The following CRYZL1 variants were observed in gnomAD, a reference collection of about 807,000 sequenced individuals.
CRYZL1 encodes the protein ferry endosomal RAB5 effector complex subunit 4.
A neutral mutation model predicts 50.6 loss-of-function variants in CRYZL1; 34 were observed. That is an observed-to-expected ratio of 0.67 (90% CI 0.51 to 0.89). The LOEUF is 0.89. Ranked by LOEUF, CRYZL1 falls within the 40% of genes least tolerant of loss-of-function variation. The probability of loss-of-function intolerance (pLI) is 0.00; values close to 1 mark genes in which losing one functional copy is unlikely to be tolerated. For synonymous variants in CRYZL1, 125 were observed against 134.3 expected, an observed-to-expected ratio of 0.93 and a Z score of 0.48; for missense variants, 354 against 402.3, an observed-to-expected ratio of 0.88 and a Z score of 1.03.
chr21:33,610,236 G>A (rs148812982), intron 6 of CRYZL1, among the ~76,000 whole-genome samples: 141 of 151,872 alleles, frequency 9.3e-4, no homozygotes, highest in African/African-American at 3.2e-3. Context: ...CACAATTTTG[G>A]CTCACCTCTG....
chr21:33,616,624 G>A (rs2086936101), intron 5 of CRYZL1, 82 bp downstream of exon 5: 1 of 1,599,380 alleles, frequency 6.3e-7, no homozygotes, highest in South Asian at 1.1e-5. Flanking sequence ...CAAGGTCACA[G>A]TGAACATTAA....
chr21:33,616,180 T>C (rs2086929847), intron 5 of CRYZL1: 1 of 153,256 alleles, frequency 6.5e-6, no homozygotes, highest in Admixed American at 6.5e-5. Flanking sequence ...TATGCGGTGT[T>C]TGGTTTTTTG....
chr21:33,614,534 C>T (rs2086906577), intron 5 of CRYZL1, among the ~76,000 whole-genome samples: 2 of 152,094 alleles, frequency 1.3e-5, no homozygotes, highest in African/African-American at 2.4e-5. Flanking sequence ...TGCATAGCTA[C>T]CTTCCTATAG....
intron 1 of CRYZL1, among the ~76,000 whole-genome samples, chr21:33,635,648 C>A (rs1256784492): frequency 6.6e-6 from 1 of 151,058 alleles, no homozygotes; most frequent in African/African-American, 2.4e-5. Flanking sequence ...GCCACCGCGC[C>A]CGGCCATAAA....
rs1004886743 is a variant in CRYZL1, at chr21:33,602,570, C to T, written c.466-225G>A. ...GGTGGTGGAAAAGCTGCATGTCACA[C>T]GCTGTCACTCAGTCTGACCACAGCA... On this transcript the variant is annotated intron_variant, in intron 7 of 12. Transcript: ENST00000381554. Among the ~76,000 whole-genome samples, 4 of 152,168 alleles carry T rather than the reference C, an allele frequency of 2.6e-5. No homozygotes were observed. In the East Asian group the frequency reaches 5.8e-4, roughly 22 times the overall value.
At chr21:33,590,054 C>G in intron 12 of CRYZL1, 133 bp from the exon 13 acceptor site, 1 of 573,688 alleles carries the variant, frequency 1.7e-6, no homozygotes, top group South Asian at 2.5e-5. Flanking sequence ...GTCTGGCTCT[C>G]TCATCCAGGC....
chr21:33,641,327 A>G lies in CRYZL1; in HGVS notation c.-7+354T>C. ...GTGGCTGAGAAGAAGTAACAGAGAA[A>G]GAAAAAGACACTCAAATTCTAGGAA... On this transcript the variant is annotated intron_variant, in intron 1 of 12. Transcript: ENST00000381554. The G allele has an allele frequency of 5.9e-6, 9 of 1,537,760 alleles. No individual in the cohort carries two copies. In the South Asian group the frequency reaches 9.7e-5, roughly 17 times the overall value.
At chr21:33,590,636 G>T (rs1340158897) in intron 12 of CRYZL1, among the ~76,000 whole-genome samples, 1 of 151,788 alleles carries the variant, frequency 6.6e-6, no homozygotes, top group African/African-American at 2.4e-5. Context: ...GGCTGGTCTC[G>T]AACTCCTGAT....
At chr21:33,639,356 A>C (rs1455856347) in intron 1 of CRYZL1, among the ~76,000 whole-genome samples, 4 of 152,214 alleles carry the variant, frequency 2.6e-5, no homozygotes, top group African/African-American at 9.6e-5. Flanking sequence ...GAACAACAGA[A>C]ACTTAACTTT....
rs1377451970 is a variant in CRYZL1 at position 33,592,614 on chromosome 21, G to C, written c.905-1407C>G. Among the ~76,000 whole-genome samples, 16 of 152,184 alleles carry C rather than the reference G, an allele frequency of 1.1e-4. 1 individual carries two copies. The South Asian group carries it at 2.7e-3, about 26-fold the overall frequency. On this transcript the variant is annotated intron_variant, in intron 11 of 12. Coordinates refer to ENST00000381554, the MANE Select transcript of CRYZL1 (RefSeq NM_145858.3). Reference sequence around the variant, plus strand: ...AGATCAAGATTCTATGTAATTGCCCGTACTTCTGAATTATTTATGGCCCAG... The same window carrying C: ...AGATCAAGATTCTATGTAATTGCCCCTACTTCTGAATTATTTATGGCCCAG...
chr21:33,593,882 G>A (rs2086667031), intron 11 of CRYZL1, among the ~76,000 whole-genome samples: 2 of 149,274 alleles, frequency 1.3e-5, no homozygotes, highest in African/African-American at 4.9e-5. Context: ...CTACTCAGGA[G>A]GCTGAGACAG....
chr21:33,622,842 G>A (rs2087018218), intron 3 of CRYZL1, among the ~76,000 whole-genome samples: 1 of 151,982 alleles, frequency 6.6e-6, no homozygotes, highest in Admixed American at 6.6e-5. Flanking sequence ...TCAATTTTCT[G>A]ATCTCCTGTA....
rs539073111 is a variant in CRYZL1, at chr21:33,610,893, G to A, written c.331+2645C>T. ...ATTACAGGCGCCCACGACCATGCCC[G>A]GCTAGTTTTTATATTTTTAGTAGAG... On this transcript the variant is annotated intron_variant, in intron 6 of 12. Transcript: ENST00000381554. Among the ~76,000 whole-genome samples, 8 of 125,118 alleles carry A rather than the reference G, an allele frequency of 6.4e-5. No individual in the cohort carries two copies. The South Asian group carries it at 9.0e-4, about 14-fold the overall frequency. The allele number at this position is 125,118 out of a possible 152,430, so 82.1% of individuals were successfully genotyped here. A position where few individuals can be genotyped will look rare whatever the true frequency, so the allele number is the denominator to read the frequency against.
chr21:33,617,766 AAC>A (rs2086950900), intron 4 of CRYZL1, among the ~76,000 whole-genome samples: 1 of 152,188 alleles, frequency 6.6e-6, no homozygotes, highest in South Asian at 2.1e-4. Context: ...ATCTACAGAT[AAC>A]ACAACCGGTT....
intron 6 of CRYZL1, among the ~76,000 whole-genome samples, chr21:33,605,235 C>T (rs1465718372): frequency 6.6e-6 from 1 of 151,808 alleles, no homozygotes; most frequent in Non-Finnish European, 1.5e-5. Context: ...TGTTCATGTG[C>T]TGTAAATATT....
intron 1 of CRYZL1, among the ~76,000 whole-genome samples, chr21:33,634,866 C>T (rs1307410009): frequency 8.6e-6 from 1 of 116,028 alleles, no homozygotes; most frequent in Non-Finnish European, 1.7e-5. Context: ...TCCCTTAAAA[C>T]AAACAACAAC....
At chr21:33,626,970 A>G (rs2087073352) in intron 2 of CRYZL1, among the ~76,000 whole-genome samples, 1 of 152,198 alleles carries the variant, frequency 6.6e-6, no homozygotes, top group Admixed American at 6.6e-5. Context: ...ATCTTTTTAA[A>G]TCACAGTTTT....
intron 4 of CRYZL1, among the ~76,000 whole-genome samples, chr21:33,617,939 A>C (rs998709516): frequency 1.3e-5 from 2 of 152,164 alleles, no homozygotes; most frequent in Non-Finnish European, 2.9e-5. Context: ...GTGACGTTAA[A>C]ATTACTTTGA....
At chr21:33,638,289 T>G (rs1252761724) in intron 1 of CRYZL1, among the ~76,000 whole-genome samples, 3 of 150,464 alleles carry the variant, frequency 2.0e-5, no homozygotes, top group Non-Finnish European at 3.0e-5. Context: ...CTTGGCTCAC[T>G]GCAACCTCCG....
Sources: allele counts gnomAD v4.1 joint callset (sites outside exome capture counted in the v4.1 genomes callset), GRCh38; gene constraint gnomAD v4.1.1; transcripts MANE v1.5; gene names NCBI Gene and HGNC (gene_info 2026-07-23, HGNC 2026-07-21).